RYR2: variants seen among roughly 807,000 people sequenced by gnomAD.
RYR2 encodes ryanodine receptor 2.
A neutral mutation model predicts 601.1 loss-of-function variants in RYR2; 227 were observed. That is an observed-to-expected ratio of 0.38 (90% confidence interval 0.34 to 0.42). The LOEUF is 0.42. Among genes scored for constraint, RYR2 ranks in the 10% least tolerant of loss-of-function variants. The probability of loss-of-function intolerance (pLI) is 1.00; values close to 1 mark genes in which losing one functional copy is unlikely to be tolerated. For missense variants in RYR2, 4,646 were observed against 6,156.5 expected, an observed-to-expected ratio of 0.75 and a Z score of 8.21; for synonymous variants, 2,223 against 2,175.1, an observed-to-expected ratio of 1.02 and a Z score of -0.61.
At chr1:237,485,998 G>A (rs1174946250) in intron 17 of RYR2, among the ~76,000 whole-genome samples, 7 of 152,060 alleles carry the variant, frequency 4.6e-5, no homozygotes, top group African/African-American at 1.7e-4. Flanking sequence ...ATAGTAAGAG[G>A]CTATTCAGTG....
rs141807577 is a variant in RYR2, at chr1:237,431,960, G to A, written c.1005+8712G>A. Among the ~76,000 whole-genome samples, 296 of 152,194 alleles carry A rather than the reference G, an allele frequency of 1.9e-3. 2 individuals are homozygous for A. Among genetic ancestry groups the A allele is most frequent in the African/African-American group, 6.8e-3 (282 of 41,534 alleles). On this transcript the variant is annotated intron_variant, in intron 12 of 104. Coordinates refer to ENST00000366574, the MANE Select transcript of RYR2 (RefSeq NM_001035.3). ...GATAATTTTGATAGATGAAAAATCA[G>A]TTATATCTTATTTTATATTCTGTGA...
chr1:237,344,403 T>C (rs1698114080), intron 3 of RYR2, among the ~76,000 whole-genome samples: 1 of 152,196 alleles, frequency 6.6e-6, no homozygotes. Context: ...CTCCAATTAG[T>C]TCTTTATACT....
In RYR2 at chr1:237,598,847, T is replaced by C. The variant is rs892289748; in HGVS notation, c.4597-3178T>C. Among the ~76,000 whole-genome samples, 3 of 152,120 alleles carry C rather than the reference T, an allele frequency of 2.0e-5. 1 individual carries two copies. Among genetic ancestry groups the C allele is most frequent in the Admixed American group, 6.5e-5 (1 of 15,270 alleles). Reference sequence around the variant, plus strand: ...GAGACTAAACAATACAAAAGATCAATGATACGAAGAGTTGGTTTTTTGAAA... The same window carrying C: ...GAGACTAAACAATACAAAAGATCAACGATACGAAGAGTTGGTTTTTTGAAA... On this transcript the variant is annotated intron_variant, in intron 34 of 104. Transcript: ENST00000366574.
At chr1:237,562,532 G>A (rs924055312) in intron 27 of RYR2, among the ~76,000 whole-genome samples, 1 of 152,100 alleles carries the variant, frequency 6.6e-6, no homozygotes, top group African/African-American at 2.4e-5. Context: ...GAGGTACGGG[G>A]AGCACAGTCT....
At position 237,108,587 on chromosome 1, in the gene RYR2, A is replaced by G. The variant is rs961186996; in HGVS notation, c.48+66018A>G. Among the ~76,000 whole-genome samples, 69 of 152,184 alleles carry G rather than the reference A, an allele frequency of 4.5e-4. 1 individual carries two copies. The highest frequency in any genetic ancestry group is 4.6e-4 in the Admixed American group (7 of 15,278). On this transcript the variant is annotated intron_variant, in intron 1 of 104. Coordinates refer to ENST00000366574, the MANE Select transcript of RYR2 (RefSeq NM_001035.3). ...AGAGCTCTGGGATTCTCTTAAATCT[A>G]TCAGTCGAAATTATTTCTCCTGAGG... is the stretch of plus-strand genomic sequence containing the variant.
At chr1:237,571,129 AAAT>A (rs1672641788) in intron 29 of RYR2, among the ~76,000 whole-genome samples, 2 of 152,064 alleles carry the variant, frequency 1.3e-5, no homozygotes, top group African/African-American at 2.4e-5. Flanking sequence ...CCTTGTCTCA[AAAT>A]AATAATAATA....
chr1:237,165,815 A>C (rs1337664467), intron 1 of RYR2, among the ~76,000 whole-genome samples: 2 of 152,062 alleles, frequency 1.3e-5, no homozygotes, highest in Non-Finnish European at 2.9e-5. Context: ...CAGCTTGGCA[A>C]TATAGTGAGA....
At chr1:237,515,311 G>C (rs1666309694) in intron 24 of RYR2, among the ~76,000 whole-genome samples, 1 of 152,142 alleles carries the variant, frequency 6.6e-6, no homozygotes, top group Non-Finnish European at 1.5e-5. Flanking sequence ...TTGATATAAG[G>C]ATTTTTAATC....
chr1:237,446,448 G>T (rs1042192775), intron 14 of RYR2, among the ~76,000 whole-genome samples: 1 of 152,074 alleles, frequency 6.6e-6, no homozygotes, highest in African/African-American at 2.4e-5. Flanking sequence ...TATGTTTAGA[G>T]ATATTCATTT....
chr1:237,343,821 GTTT>G (rs201175386), intron 3 of RYR2, among the ~76,000 whole-genome samples: 1 of 131,502 alleles, frequency 7.6e-6, no homozygotes. Flanking sequence ...GAGGTTTTTT[GTTT>G]TTTTTTTTTT....
At chr1:237,613,085 TGA>T (rs1452136319) in intron 36 of RYR2, among the ~76,000 whole-genome samples, 1 of 152,200 alleles carries the variant, frequency 6.6e-6, no homozygotes, top group African/African-American at 2.4e-5. Context: ...AAAAATATGA[TGA>T]GTTTCAAAAT....
At chr1:237,148,046 A>G (rs777792341) in intron 1 of RYR2, among the ~76,000 whole-genome samples, 1 of 152,196 alleles carries the variant, frequency 6.6e-6, no homozygotes, top group Non-Finnish European at 1.5e-5. Flanking sequence ...ATAATATGAC[A>G]GTTTTCTCCT....
chr1:237,742,112 T>C (rs1468657337), intron 79 of RYR2, among the ~76,000 whole-genome samples, 184 bp from the exon 80 acceptor site: 2 of 152,228 alleles, frequency 1.3e-5, no homozygotes, highest in Non-Finnish European at 2.9e-5. Context: ...AAAAGCACTA[T>C]ATATAATTTT....
chr1:237,451,798 T>C (rs1658159015), intron 14 of RYR2, among the ~76,000 whole-genome samples: 1 of 152,138 alleles, frequency 6.6e-6, no homozygotes, highest in Non-Finnish European at 1.5e-5. Context: ...ATTTTTTTAC[T>C]ATTAATTTTA....
At chr1:237,641,481 C>CTTTCTTTCTT (rs1553264971) in intron 47 of RYR2, among the ~76,000 whole-genome samples, 8 of 41,556 alleles carry the variant, frequency 1.9e-4, no homozygotes, top group South Asian at 8.5e-4. Flanking sequence ...GTCTTTCTTT[C>CTTTCTTTCTT]TTTCTTTCTT....
chr1:237,096,877 A>C (rs2148493006), intron 1 of RYR2, among the ~76,000 whole-genome samples: 1 of 152,188 alleles, frequency 6.6e-6, no homozygotes, highest in Middle Eastern at 3.4e-3. Context: ...TTGCCTCCTA[A>C]ATTGTATTGA....
chr1:237,820,283 G>A (rs941866575), intron 101 of RYR2, among the ~76,000 whole-genome samples: 1 of 151,746 alleles, frequency 6.6e-6, no homozygotes, highest in African/African-American at 2.4e-5. Flanking sequence ...TGAGATTGAC[G>A]CAGAAGGTGG....
At chr1:237,313,439 A>G (rs1694775537) in intron 2 of RYR2, among the ~76,000 whole-genome samples, 1 of 152,100 alleles carries the variant, frequency 6.6e-6, no homozygotes, top group South Asian at 2.1e-4. Context: ...GGAGAAGGAG[A>G]TGTAATGGCT....
chr1:237,451,547 C>A (rs1658115174), intron 14 of RYR2, among the ~76,000 whole-genome samples: 2 of 146,814 alleles, frequency 1.4e-5, no homozygotes, highest in Admixed American at 6.9e-5. Context: ...TACCACTGCA[C>A]TCCAGCCTGG....
Sources: allele counts gnomAD v4.1 joint callset (sites outside exome capture counted in the v4.1 genomes callset), GRCh38; gene constraint gnomAD v4.1.1; transcripts MANE v1.5; gene names NCBI Gene and HGNC (gene_info 2026-07-23, HGNC 2026-07-21).